The following PCDHGA8 variants were observed in gnomAD, a reference collection of about 807,000 sequenced individuals.
PCDHGA8 encodes the protein protocadherin gamma-A8.
A neutral mutation model predicts 59.2 loss-of-function variants in PCDHGA8; 45 were observed. That is an observed-to-expected ratio of 0.76 (90% CI 0.60 to 0.98). The LOEUF (loss-of-function observed/expected upper bound fraction) is 0.98, where lower values mean the gene tolerates loss of function less well. PCDHGA8 is among the 50% of genes least tolerant of loss of function. The pLI is 0.00. For synonymous variants in PCDHGA8, 531 were observed against 519.0 expected, an observed-to-expected ratio of 1.02 and a Z score of -0.32; for missense variants, 1,257 against 1,196.2, an observed-to-expected ratio of 1.05 and a Z score of -0.75.
intron 1 of PCDHGA8, among the ~76,000 whole-genome samples, chr5:141,446,824 A>T (rs973108119): frequency 1.3e-5 from 2 of 152,156 alleles, no homozygotes; most frequent in African/African-American, 4.8e-5. Flanking sequence ...AGATGGGTAG[A>T]TCCTTATAAG....
rs370284141 is a variant in PCDHGA8, at chr5:141,421,654, G to A, written c.2424+26417G>A. On this transcript the variant is annotated intron_variant, in intron 1 of 3. Coordinates refer to ENST00000398604, the MANE Select transcript of PCDHGA8 (RefSeq NM_032088.2). ...CCAGGAGGACGAAGTGGAGATAAAA[G>A]TCAGTGAGCACGCAATTCCTGGGGC... The A allele has an allele frequency of 3.5e-5, 57 of 1,613,746 alleles. No individual in the cohort carries two copies. Among genetic ancestry groups the A allele is most frequent in the Admixed American group, 5.0e-5 (3 of 59,974 alleles).
chr5:141,461,138 C>T (rs1416058747), intron 1 of PCDHGA8, among the ~76,000 whole-genome samples: 1 of 151,942 alleles, frequency 6.6e-6, no homozygotes, highest in East Asian at 1.9e-4. Flanking sequence ...ACTTATTTTC[C>T]TTTGGGTAGA....
At chr5:141,466,019 G>C (rs1466918487) in intron 1 of PCDHGA8, among the ~76,000 whole-genome samples, 1 of 152,062 alleles carries the variant, frequency 6.6e-6, no homozygotes, top group African/African-American at 2.4e-5. Flanking sequence ...CTACTCGGGA[G>C]GGTGAGGCAG....
intron 1 of PCDHGA8, chr5:141,400,713 T>C: frequency 1.5e-6 from 1 of 686,914 alleles, no homozygotes; most frequent in South Asian, 2.0e-5. Context: ...GAAGTAGCCT[T>C]ATAGATTTAC....
chr5:141,418,647 G>C, intron 1 of PCDHGA8: 1 of 1,614,034 alleles, frequency 6.2e-7, no homozygotes, highest in Non-Finnish European at 8.5e-7. Flanking sequence ...TCCATCCTGA[G>C]AGTGAAGGCC....
chr5:141,487,857 T>A lies in PCDHGA8; in HGVS notation c.2425-6950T>A. Reference sequence around the variant, plus strand: ...TATCTGAGTAAGAAATGAAAGTAATTGGTGATCAAGAGCCAGGCTGTTGTG... The same window carrying A: ...TATCTGAGTAAGAAATGAAAGTAATAGGTGATCAAGAGCCAGGCTGTTGTG... On this transcript the variant is annotated intron_variant, in intron 1 of 3. Coordinates refer to ENST00000398604, the MANE Select transcript of PCDHGA8 (RefSeq NM_032088.2). The surrounding 1 kb of genome is among the most constrained non-coding windows in gnomAD (Gnocchi z 5.0). The A allele has an allele frequency of 1.0e-6, 1 of 964,674 alleles. No individual in the cohort carries two copies. Among genetic ancestry groups the A allele is most frequent in the Non-Finnish European group, 1.5e-6 (1 of 659,920 alleles). 59.8% of individuals were successfully genotyped at this position (964,674 alleles called of 1,614,324 possible). A position where few individuals can be genotyped will look rare whatever the true frequency, so the allele number is the denominator to read the frequency against.
chr5:141,443,244 G>A (rs1277982376), intron 1 of PCDHGA8, among the ~76,000 whole-genome samples: 4 of 151,542 alleles, frequency 2.6e-5, no homozygotes, highest in African/African-American at 9.7e-5. Flanking sequence ...ACTTTGGGGC[G>A]CCAAGGCGGG....
intron 2 of PCDHGA8, among the ~76,000 whole-genome samples, chr5:141,504,621 T>A (rs1185981312): frequency 7.9e-6 from 1 of 126,856 alleles, no homozygotes; most frequent in Non-Finnish European, 1.6e-5. Flanking sequence ...GATAGGAAAG[T>A]GCACCTTGGA....
intron 1 of PCDHGA8, chr5:141,427,590 C>A: frequency 1.5e-6 from 1 of 679,008 alleles, no homozygotes; most frequent in Non-Finnish European, 2.7e-6. Flanking sequence ...CAGCACAAGC[C>A]TCACCCTACG....
Position 141,417,750 on chromosome 5 carries a change from G to A in PCDHGA8, c.2424+22513G>A, listed in dbSNP as rs1430413607. The A allele has an allele frequency of 1.5e-5, 22 of 1,426,796 alleles. 1 individual carries two copies. In the East Asian group the frequency reaches 5.5e-4, roughly 36 times the overall value. The allele number at this position is 1,426,796 out of a possible 1,614,324, so 88.4% of individuals were successfully genotyped here. On this transcript the variant is annotated intron_variant, in intron 1 of 3. Coordinates refer to ENST00000398604, the MANE Select transcript of PCDHGA8 (RefSeq NM_032088.2). ...CCTTGCCCAGCACACCAGATTGCCA[G>A]CTCCGAGACCCGGGACTCCTCCTGT...
intron 1 of PCDHGA8, chr5:141,399,023 C>T: frequency 6.2e-7 from 1 of 1,613,914 alleles, no homozygotes; most frequent in African/African-American, 1.3e-5. Flanking sequence ...GAAATTACCA[C>T]TCAAAAGAAA....
intron 1 of PCDHGA8, chr5:141,478,597 C>T: frequency 6.4e-7 from 1 of 1,567,010 alleles, no homozygotes; most frequent in Non-Finnish European, 8.7e-7. Flanking sequence ...TTTATTCCTA[C>T]ATCATATTGA....
intron 1 of PCDHGA8, chr5:141,399,577 TC>T (rs1393975550): frequency 6.2e-7 from 1 of 1,613,972 alleles, no homozygotes; most frequent in Non-Finnish European, 8.5e-7. Flanking sequence ...CGGCCAAGTC[TC>T]CTACTCTATC....
intron 1 of PCDHGA8, among the ~76,000 whole-genome samples, chr5:141,484,045 G>A (rs934525987): frequency 7.9e-5 from 12 of 152,026 alleles, no homozygotes; most frequent in African/African-American, 2.9e-4. Context: ...AGCTCCAAGA[G>A]GTCCCCTGGG....
chr5:141,399,038 A>G (rs1228007346), intron 1 of PCDHGA8: 2 of 1,613,854 alleles, frequency 1.2e-6, no homozygotes, highest in South Asian at 2.2e-5. Context: ...AAGAAACTGG[A>G]TTTTGAAGAG....
intron 1 of PCDHGA8, chr5:141,423,287 C>T: frequency 6.3e-7 from 1 of 1,586,406 alleles, no homozygotes; most frequent in South Asian, 1.1e-5. Flanking sequence ...AACTCTGAAA[C>T]CTCAGACCTC....
Position 141,477,919 on chromosome 5 carries a change from G to A in PCDHGA8, c.2425-16888G>A. 2.5e-6 allele frequency: 4 copies of A among 1,614,162 alleles called. No individual in the cohort carries two copies. The highest frequency in any genetic ancestry group is 8.5e-7 in the Non-Finnish European group (1 of 1,180,026). The stretch of plus-strand genomic sequence containing the variant: ...TGGTAGGCTGGGACGCGGATGCAGG[G>A]CACAATGCCTGGCTCTCCTACAGTC... On this transcript the variant is annotated intron_variant, in intron 1 of 3. Transcript: ENST00000398604. The surrounding 1 kb of genome is among the most constrained non-coding windows in gnomAD (Gnocchi z 4.9).
chr5:141,469,731 C>T (rs1332201791), intron 1 of PCDHGA8, among the ~76,000 whole-genome samples: 1 of 152,214 alleles, frequency 6.6e-6, no homozygotes, highest in Non-Finnish European at 1.5e-5. Context: ...ATCATAAATA[C>T]ACACCTCAAA....
intron 1 of PCDHGA8, chr5:141,409,801 G>A: frequency 1.2e-6 from 2 of 1,611,946 alleles, no homozygotes; most frequent in South Asian, 2.2e-5. Context: ...TCACGCTGCA[G>A]GCCCGCGACC....
Sources: allele counts gnomAD v4.1 joint callset (sites outside exome capture counted in the v4.1 genomes callset), GRCh38; gene constraint gnomAD v4.1.1; non-coding constraint Gnocchi (gnomAD v3.1); transcripts MANE v1.5; gene names NCBI Gene and HGNC (gene_info 2026-07-23, HGNC 2026-07-21).